GLRA3: variants seen among roughly 807,000 people sequenced by gnomAD.
GLRA3 encodes the protein glycine receptor subunit alpha-3.
A neutral mutation model predicts 60.4 loss-of-function variants in GLRA3; 44 were observed. The observed-to-expected ratio is 0.73, with a 90% confidence interval of 0.57 to 0.94. The LOEUF is 0.94. Among genes scored for constraint, GLRA3 ranks in the 40% least tolerant of loss-of-function variants. GLRA3 has a pLI of 0.00. For synonymous variants in GLRA3, 223 were observed against 192.9 expected (o/e 1.16, Z -1.29); for missense variants, 508 against 564.6 (o/e 0.90, Z 1.02).
chr4:174,788,302 T>C (rs897180790), intron 2 of GLRA3, among the ~76,000 whole-genome samples: 16 of 152,072 alleles, frequency 1.1e-4, no homozygotes, highest in Non-Finnish European at 2.1e-4. Context: ...CCTAGAAATT[T>C]GGGTAAAACA....
chr4:174,721,046 T>C (rs1438940342), intron 4 of GLRA3, among the ~76,000 whole-genome samples: 2 of 151,318 alleles, frequency 1.3e-5, no homozygotes, highest in Non-Finnish European at 3.0e-5. Flanking sequence ...TGTGTGTTTT[T>C]GAGATGGAGT....
At chr4:174,828,491 T>C (rs995529070) in intron 1 of GLRA3, among the ~76,000 whole-genome samples, 4 of 151,790 alleles carry the variant, frequency 2.6e-5, no homozygotes, top group Non-Finnish European at 5.9e-5. Flanking sequence ...TTTAAAATAA[T>C]TTTTTTTTCT....
intron 3 of GLRA3, among the ~76,000 whole-genome samples, chr4:174,756,423 C>T (rs535988167): frequency 1.3e-5 from 2 of 151,922 alleles, no homozygotes; most frequent in South Asian, 4.2e-4. Flanking sequence ...GAGATTTATA[C>T]AAGGAACGCA....
chr4:174,655,578 C>T (rs1733165028), intron 9 of GLRA3, among the ~76,000 whole-genome samples: 1 of 151,828 alleles, frequency 6.6e-6, no homozygotes, highest in African/African-American at 2.4e-5. Flanking sequence ...TGTTGGTCTC[C>T]CAGAGAAAGA....
At chr4:174,682,274 T>C (rs1413956280) in intron 6 of GLRA3, among the ~76,000 whole-genome samples, 2 of 152,204 alleles carry the variant, frequency 1.3e-5, no homozygotes, top group East Asian at 3.9e-4. Flanking sequence ...AATATCACAT[T>C]GAGTCTCTCA....
chr4:174,737,170 A>C (rs934348060), intron 3 of GLRA3, among the ~76,000 whole-genome samples: 4 of 152,198 alleles, frequency 2.6e-5, no homozygotes, highest in Non-Finnish European at 5.9e-5. Context: ...GGGCCTGTGT[A>C]AGATCAAATT....
Position 174,828,803 on chromosome 4 carries a change from G to A in GLRA3, c.9C>T (p.His3=), listed in dbSNP as rs142672273. MA[H]VRHFRTLVSG... is the part of the protein sequence containing the mutation. ...AAACTAATGTCCGAAAGTGTCTCAC[G>A]TGGGCCATGATACGGAGAGATATTC... The change falls in exon 1 of 10, where the codon CAC becomes CAT. Residue 3 remains histidine, a synonymous_variant. Coordinates refer to ENST00000274093, the MANE Select transcript of GLRA3 (RefSeq NM_006529.4). 7.5e-6 allele frequency: 12 copies of A among 1,606,960 alleles called. No individual in the cohort carries two copies. The highest frequency in any genetic ancestry group is 1.0e-5 in the Non-Finnish European group (12 of 1,173,596).
At chr4:174,745,255 G>A (rs1302047490) in intron 3 of GLRA3, among the ~76,000 whole-genome samples, 1 of 152,176 alleles carries the variant, frequency 6.6e-6, no homozygotes, top group Non-Finnish European at 1.5e-5. Flanking sequence ...TACTTCCCAA[G>A]TCTAGCAGGA....
At chr4:174,828,416 C>T (rs186170727) in intron 1 of GLRA3, among the ~76,000 whole-genome samples, 3 of 152,060 alleles carry the variant, frequency 2.0e-5, no homozygotes, top group Non-Finnish European at 4.4e-5. Context: ...GAGTAACACC[C>T]AAATTATATA....
At chr4:174,655,110 C>A (rs1733151210) in intron 9 of GLRA3, among the ~76,000 whole-genome samples, 1 of 152,014 alleles carries the variant, frequency 6.6e-6, no homozygotes, top group Admixed American at 6.6e-5. Context: ...GCCTGTTCTG[C>A]CAAATTAGAG....
chr4:174,728,881 C>T (rs1406429065), intron 3 of GLRA3, among the ~76,000 whole-genome samples, 183 bp from the exon 4 acceptor site: 2 of 152,098 alleles, frequency 1.3e-5, no homozygotes, highest in Non-Finnish European at 2.9e-5. Flanking sequence ...GGATGGAAAT[C>T]TCTGTACCTT....
At chr4:174,756,770 G>A (rs1737720513) in intron 3 of GLRA3, among the ~76,000 whole-genome samples, 1 of 150,884 alleles carries the variant, frequency 6.6e-6, no homozygotes. Flanking sequence ...TCAGCCTCCC[G>A]AGTAGCTGGA....
intron 1 of GLRA3, among the ~76,000 whole-genome samples, chr4:174,792,244 T>C (rs1739377102): frequency 6.6e-6 from 1 of 152,106 alleles, no homozygotes; most frequent in Non-Finnish European, 1.5e-5. Context: ...AAATTAACTT[T>C]CCCACAATTC....
At chr4:174,650,734 T>C (rs573057693) in intron 9 of GLRA3, among the ~76,000 whole-genome samples, 2 of 152,270 alleles carry the variant, frequency 1.3e-5, no homozygotes, top group East Asian at 3.9e-4. Context: ...ATCATGTCCA[T>C]GTAAAAAAAT....
Position 174,643,710 on chromosome 4 carries a change from A to G in GLRA3, c.*76T>C. On this transcript the variant is annotated 3_prime_UTR_variant, in exon 10 of 10. Transcript: ENST00000274093. The stretch of plus-strand genomic sequence containing the variant: ...GTCATCATTTGTATACCACACGCAC[A>G]CATATACACATACACACCTATGGCA... The G allele has an allele frequency of 6.5e-7, 1 of 1,530,902 alleles. No homozygotes were observed. Among genetic ancestry groups the G allele is most frequent in the Non-Finnish European group, 8.8e-7 (1 of 1,140,108 alleles). 94.8% of individuals were successfully genotyped at this position (1,530,902 alleles called of 1,614,324 possible). A position where few individuals can be genotyped will look rare whatever the true frequency, so the allele number is the denominator to read the frequency against.
chr4:174,653,375 G>A (rs1226589249), intron 9 of GLRA3, among the ~76,000 whole-genome samples: 1 of 151,774 alleles, frequency 6.6e-6, no homozygotes, highest in Non-Finnish European at 1.5e-5. Flanking sequence ...TAAATGGAAG[G>A]TCTAAAATAA....
intron 5 of GLRA3, among the ~76,000 whole-genome samples, chr4:174,693,391 C>T (rs1218835481): frequency 4.6e-5 from 7 of 152,116 alleles, no homozygotes; most frequent in Non-Finnish European, 7.4e-5. Context: ...GCCAGTTATC[C>T]CAGCACCATT....
chr4:174,727,837 T>C (rs1736385007), intron 4 of GLRA3, among the ~76,000 whole-genome samples: 1 of 152,122 alleles, frequency 6.6e-6, no homozygotes, highest in African/African-American at 2.4e-5. Context: ...AAGTCAATAA[T>C]TAGGAACATA....
At position 174,811,621 on chromosome 4, in the gene GLRA3, G is replaced by A. The variant is rs149999298; in HGVS notation, c.71+17120C>T. Among the ~76,000 whole-genome samples, 60 of 152,236 alleles carry A rather than the reference G, an allele frequency of 3.9e-4. 1 individual carries two copies. The highest frequency in any genetic ancestry group is 3.4e-3 in the Middle Eastern group (1 of 294). On this transcript the variant is annotated intron_variant, in intron 1 of 9. Transcript: ENST00000274093. Reference sequence around the variant, plus strand: ...CAATGTTGATATGTAATACTTACAAGTCATAATTCTCTTTACTAGCCTGGA... The same window carrying A: ...CAATGTTGATATGTAATACTTACAAATCATAATTCTCTTTACTAGCCTGGA...
Sources: gnomAD v4.1 joint callset for allele counts (sites outside exome capture counted in the v4.1 genomes callset) on GRCh38, gnomAD v4.1.1 for gene constraint, MANE v1.5 for transcripts, NCBI Gene and HGNC (gene_info 2026-07-23, HGNC 2026-07-21) for gene names.